Variants in NRG1 observed in about 807,000 individuals in gnomAD.
NRG1 encodes pro-neuregulin-1, membrane-bound isoform.
A neutral mutation model predicts 63.8 loss-of-function variants in NRG1; 18 were observed. The ratio of observed to expected loss-of-function variants is 0.28; its 90% CI spans 0.19 to 0.42. The LOEUF (loss-of-function observed/expected upper bound fraction) is 0.42. NRG1 is among the 10% of genes least tolerant of loss of function. The pLI, the probability that NRG1 is intolerant of heterozygous loss-of-function variation, is 1.00. For missense variants in NRG1, 762 were observed against 814.7 expected (o/e 0.94, Z 0.79); for synonymous variants, 302 against 301.3 (o/e 1.00, Z -0.02).
intron 8 of NRG1, among the ~76,000 whole-genome samples, 177 bp from the exon 9 acceptor site, chr8:32,756,226 T>G (rs549952159): frequency 6.6e-6 from 1 of 152,310 alleles, no homozygotes; most frequent in South Asian, 2.1e-4. Context: ...AAAATCTGTT[T>G]GGTAAGGATG....
At chr8:31,641,797 T>C (rs1417420148) in intron 1 of NRG1, 4 of 152,124 alleles carry the variant, frequency 2.6e-5, no homozygotes, top group Admixed American at 2.0e-4. Context: ...GACGTTTGGG[T>C]TAATTGAATT....
At chr8:32,056,827 G>T (rs1035933296) in intron 1 of NRG1, among the ~76,000 whole-genome samples, 2 of 152,042 alleles carry the variant, frequency 1.3e-5, no homozygotes, top group Non-Finnish European at 2.9e-5. Flanking sequence ...CTTTGAAAAA[G>T]TACAAAAATA....
rs376618328 is a variant in NRG1 at position 32,130,277 on chromosome 8, G to T, written c.38-465551G>T. Among the ~76,000 whole-genome samples, 8 of 151,998 alleles carry T rather than the reference G, an allele frequency of 5.3e-5. No homozygotes were observed. In the South Asian group the frequency reaches 1.2e-3, roughly 24 times the overall value. On this transcript the variant is annotated intron_variant, in intron 1 of 10. Coordinates refer to the NRG1 transcript ENST00000519301. ...CAAAGCTACATGAAAAAAAGCAAATGATTGCTAAATTATGTCCTAATTTCT... is the reference window on the plus strand; with the variant it reads ...CAAAGCTACATGAAAAAAAGCAAATTATTGCTAAATTATGTCCTAATTTCT...
At chr8:31,743,040 A>G (rs1346351178) in intron 1 of NRG1, among the ~76,000 whole-genome samples, 1 of 151,870 alleles carries the variant, frequency 6.6e-6, no homozygotes, top group Non-Finnish European at 1.5e-5. Context: ...CTTAGGACCC[A>G]TTTACCAAGG....
At chr8:31,876,515 G>T (rs1829935574) in intron 1 of NRG1, among the ~76,000 whole-genome samples, 1 of 152,126 alleles carries the variant, frequency 6.6e-6, no homozygotes, top group Non-Finnish European at 1.5e-5. Flanking sequence ...TAAAAAGTTT[G>T]CTGGTTGAGA....
At chr8:31,926,747 G>A (rs1395321687) in intron 1 of NRG1, among the ~76,000 whole-genome samples, 1 of 152,078 alleles carries the variant, frequency 6.6e-6, no homozygotes, top group Admixed American at 6.6e-5. Flanking sequence ...GTTTTAGTAG[G>A]CTAAAGTTAG....
intron 1 of NRG1, among the ~76,000 whole-genome samples, chr8:31,991,374 C>T (rs1811050418): frequency 6.7e-6 from 1 of 149,042 alleles, no homozygotes; most frequent in South Asian, 2.2e-4. Flanking sequence ...TCCTCCTCCT[C>T]CTCCTCTTCT....
At chr8:32,039,243 T>C (rs962471502) in intron 1 of NRG1, among the ~76,000 whole-genome samples, 8 of 152,250 alleles carry the variant, frequency 5.3e-5, no homozygotes, top group Non-Finnish European at 1.0e-4. Flanking sequence ...AGGATATTTG[T>C]TGACATATAG....
chr8:31,748,199 G>A (rs893812770), intron 1 of NRG1, among the ~76,000 whole-genome samples: 1 of 151,882 alleles, frequency 6.6e-6, no homozygotes, highest in Admixed American at 6.6e-5. Context: ...TAGATGAAAT[G>A]TTTTTCTCCA....
At chr8:31,987,862 G>A (rs1810367686) in intron 1 of NRG1, among the ~76,000 whole-genome samples, 1 of 152,096 alleles carries the variant, frequency 6.6e-6, no homozygotes, top group African/African-American at 2.4e-5. Context: ...GAGTGGTAGA[G>A]TTCCATCACC....
chr8:32,296,616 C>CAA lies in NRG1; in HGVS notation c.38-299196_38-299195dup, dbSNP rs34816837. Among the ~76,000 whole-genome samples, 366 of 100,744 alleles carry CAA rather than the reference C, an allele frequency of 3.6e-3. 2 individuals are homozygous for CAA. Among genetic ancestry groups the CAA allele is most frequent in the Non-Finnish European group, 6.1e-3 (284 of 46,690 alleles). The allele number at this position is 100,744 out of a possible 152,430, so 66.1% of individuals were successfully genotyped here. On this transcript the variant is annotated intron_variant, in intron 1 of 10. Transcript: ENST00000519301. ...GGGCGACAAGAGTGAAACTTTGTCCCAAAAAAAAAAAAAAAAAGCTTCCTT... is the reference window on the plus strand; with the variant it reads ...GGGCGACAAGAGTGAAACTTTGTCCCAAAAAAAAAAAAAAAAAAAGCTTCCTT...
chr8:32,370,762 A>T (rs1378646845), intron 1 of NRG1, among the ~76,000 whole-genome samples: 3 of 147,892 alleles, frequency 2.0e-5, no homozygotes, highest in African/African-American at 7.5e-5. Context: ...GGAGGCTGAG[A>T]CAGGAGAATT....
chr8:32,280,925 A>G lies in NRG1; in HGVS notation c.38-314903A>G, dbSNP rs1852730682. Among the ~76,000 whole-genome samples, 2 of 149,774 alleles carry G rather than the reference A, an allele frequency of 1.3e-5. 1 individual carries two copies. Among genetic ancestry groups the G allele is most frequent in the Admixed American group, 1.3e-4 (2 of 15,054 alleles). ...CAGGTGCCCACCATGATGCTCAGCT[A>G]ATTTTTTGTATTTTTAGTAGAGACG... is the stretch of plus-strand genomic sequence containing the variant. On this transcript the variant is annotated intron_variant, in intron 1 of 10. Transcript: ENST00000519301.
chr8:31,780,472 C>A (rs372936028), intron 1 of NRG1, among the ~76,000 whole-genome samples: 1 of 152,086 alleles, frequency 6.6e-6, no homozygotes, highest in African/African-American at 2.4e-5. Context: ...TGAATGATTC[C>A]CTAGAATTAT....
At chr8:32,618,952 C>T (rs1287344525) in intron 5 of NRG1, among the ~76,000 whole-genome samples, 1 of 152,128 alleles carries the variant, frequency 6.6e-6, no homozygotes, top group Non-Finnish European at 1.5e-5. Flanking sequence ...GTCGCTCATG[C>T]CTATAATCCT....
intron 1 of NRG1, among the ~76,000 whole-genome samples, chr8:32,508,277 G>A (rs905729247): frequency 7.8e-6 from 1 of 127,696 alleles, no homozygotes; most frequent in African/African-American, 2.7e-5. Context: ...GTAAACATAA[G>A]TCCACAATAT....
At chr8:32,250,948 A>T (rs993592636) in intron 1 of NRG1, among the ~76,000 whole-genome samples, 9 of 152,128 alleles carry the variant, frequency 5.9e-5, no homozygotes, top group African/African-American at 2.2e-4. Flanking sequence ...ACAAATATTC[A>T]GTGCCTTTTA....
Position 31,846,865 on chromosome 8 carries a change from A to G in NRG1, c.37+207434A>G, listed in dbSNP as rs75036558. Among the ~76,000 whole-genome samples the G allele has an allele frequency of 1.3e-3, 201 of 152,322 alleles. 2 individuals are homozygous for G. In the East Asian group the frequency reaches 0.035, roughly 26 times the overall value. ...AGAAATTCTATGCATTTTGTCATTTAGTGAATATGTATTGACTGCCTGCCT... is the reference window on the plus strand; with the variant it reads ...AGAAATTCTATGCATTTTGTCATTTGGTGAATATGTATTGACTGCCTGCCT... On this transcript the variant is annotated intron_variant, in intron 1 of 10. Transcript: ENST00000519301.
intron 1 of NRG1, among the ~76,000 whole-genome samples, chr8:32,416,578 C>T (rs1036539877): frequency 2.0e-5 from 3 of 152,166 alleles, no homozygotes; most frequent in Non-Finnish European, 4.4e-5. Flanking sequence ...ACACTTAAGT[C>T]TCACCCCTAA....
Sources: gnomAD v4.1 joint callset for allele counts (sites outside exome capture counted in the v4.1 genomes callset) on GRCh38, gnomAD v4.1.1 for gene constraint, MANE v1.5 for transcripts, NCBI Gene and HGNC (gene_info 2026-07-23, HGNC 2026-07-21) for gene names.